SH3GL3: variants seen among roughly 807,000 people sequenced by gnomAD.
SH3GL3 encodes the protein SH3 domain containing GRB2 like 3, endophilin A3.
In SH3GL3, 33 loss-of-function variants were observed where a neutral mutation model predicts 47.7. The observed-to-expected ratio is 0.69, with a 90% confidence interval of 0.52 to 0.92. SH3GL3 has a LOEUF of 0.92. SH3GL3 is among the 40% of genes least tolerant of loss of function. The pLI is 0.00. For synonymous variants in SH3GL3, 155 were observed against 148.8 expected, an observed-to-expected ratio of 1.04 and a Z score of -0.30; for missense variants, 363 against 417.8, an observed-to-expected ratio of 0.87 and a Z score of 1.14.
chr15:83,560,680 G>T (rs772336087), intron 2 of SH3GL3, among the ~76,000 whole-genome samples: 5 of 152,122 alleles, frequency 3.3e-5, no homozygotes, highest in Admixed American at 6.6e-5. Context: ...TTACAGCAGT[G>T]AAAAGCATGG....
At chr15:83,514,657 T>C (rs937494955) in intron 1 of SH3GL3, among the ~76,000 whole-genome samples, 1 of 152,106 alleles carries the variant, frequency 6.6e-6, no homozygotes, top group African/African-American at 2.4e-5. Context: ...TGCAAAAAAG[T>C]TGTGTTTCTC....
At chr15:83,557,718 G>A (rs939836556) in intron 1 of SH3GL3, among the ~76,000 whole-genome samples, 1 of 152,182 alleles carries the variant, frequency 6.6e-6, no homozygotes, top group Admixed American at 6.5e-5. Context: ...TCACAGGGTA[G>A]CAACAGTGTT....
chr15:83,514,939 C>T (rs575526124), intron 1 of SH3GL3, among the ~76,000 whole-genome samples: 1 of 152,118 alleles, frequency 6.6e-6, no homozygotes, highest in South Asian at 2.1e-4. Flanking sequence ...AGGATGGAAG[C>T]AAGAGATTGG....
chr15:83,604,902 T>A (rs1361821759), intron 8 of SH3GL3, among the ~76,000 whole-genome samples: 1 of 152,202 alleles, frequency 6.6e-6, no homozygotes, highest in Non-Finnish European at 1.5e-5. Flanking sequence ...ATGATTTATT[T>A]CCAAGATTCA....
At chr15:83,577,357 C>T (rs2059710822) in intron 6 of SH3GL3, among the ~76,000 whole-genome samples, 1 of 152,272 alleles carries the variant, frequency 6.6e-6, no homozygotes, top group Non-Finnish European at 1.5e-5. Context: ...TTTCTCCTAT[C>T]TCCTGCCTGA....
chr15:83,579,404 G>T (rs544590254), intron 6 of SH3GL3, among the ~76,000 whole-genome samples: 5 of 152,306 alleles, frequency 3.3e-5, no homozygotes, highest in African/African-American at 9.6e-5. Context: ...ACAAGGAGGG[G>T]TTGTCTGGCT....
intron 1 of SH3GL3, among the ~76,000 whole-genome samples, chr15:83,509,102 A>G (rs1241892854): frequency 2.0e-5 from 3 of 152,248 alleles, no homozygotes; most frequent in Non-Finnish European, 4.4e-5. Flanking sequence ...TTTAAAAAAT[A>G]CATATTTTTC....
At chr15:83,567,426 T>G (rs114731574) in intron 3 of SH3GL3, among the ~76,000 whole-genome samples, 37 of 152,278 alleles carry the variant, frequency 2.4e-4, no homozygotes, top group African/African-American at 8.7e-4. Context: ...GGAGTCCCAG[T>G]AATGAGCACA....
At chr15:83,490,623 TG>T in intron 1 of SH3GL3, 1 of 662,340 alleles carries the variant, frequency 1.5e-6, no homozygotes, top group Non-Finnish European at 2.4e-6. Flanking sequence ...TAGTTCAGCC[TG>T]GCACAGTATA....
In SH3GL3 at chr15:83,522,411, T is replaced by G. The variant is rs183460192; in HGVS notation, c.46-36842T>G. Among the ~76,000 whole-genome samples, 12 of 152,344 alleles carry G rather than the reference T, an allele frequency of 7.9e-5. No individual in the cohort carries two copies. The East Asian group carries it at 2.3e-3, about 29-fold the overall frequency. On this transcript the variant is annotated intron_variant, in intron 1 of 8. Coordinates refer to ENST00000427482, the MANE Select transcript of SH3GL3 (RefSeq NM_003027.5). ...ACCAAAATATTGTTTGTTTATAGTC[T>G]CCCTCAAACTCCATCTTCCGTAAGT...
At chr15:83,523,973 A>T (rs1852635913) in intron 1 of SH3GL3, among the ~76,000 whole-genome samples, 1 of 151,550 alleles carries the variant, frequency 6.6e-6, no homozygotes, top group African/African-American at 2.4e-5. Context: ...AAAAACAGAC[A>T]GCAAAAACCC....
intron 1 of SH3GL3, among the ~76,000 whole-genome samples, chr15:83,460,527 G>A (rs564474553): frequency 6.6e-6 from 1 of 152,186 alleles, no homozygotes; most frequent in South Asian, 2.1e-4. Flanking sequence ...TACCGTAGGA[G>A]GTTTTTCTTT....
intron 1 of SH3GL3, among the ~76,000 whole-genome samples, chr15:83,543,930 T>G (rs112701627): frequency 4.7e-4 from 71 of 152,056 alleles, no homozygotes; most frequent in African/African-American, 1.5e-3. Flanking sequence ...GCTAAAGGTT[T>G]GTCAATTTTG....
Position 83,588,597 on chromosome 15 carries a change from G to GA in SH3GL3, c.729-64dup, listed in dbSNP as rs1200259267. The GA allele has an allele frequency of 5.3e-5, 53 of 993,420 alleles. No individual in the cohort carries two copies. The Admixed American group carries it at 9.2e-4, about 17-fold the overall frequency. 61.5% of individuals were successfully genotyped at this position (993,420 alleles called of 1,614,324 possible). A position where few individuals can be genotyped will look rare whatever the true frequency, so the allele number is the denominator to read the frequency against. The stretch of plus-strand genomic sequence containing the variant: ...AAGTTCCTGTGCTCAACAAGGCAGA[G>GA]AGGATGTGTGTTTGGAAAGCTTTCA... On this transcript the variant is annotated intron_variant, in intron 7 of 8. Transcript: ENST00000427482.
At chr15:83,510,103 T>G (rs1216159020) in intron 1 of SH3GL3, among the ~76,000 whole-genome samples, 2 of 144,910 alleles carry the variant, frequency 1.4e-5, no homozygotes, top group African/African-American at 5.1e-5. Context: ...TTTTTTTTTT[T>G]GCTGATACAA....
At chr15:83,616,784 A>AG (rs2060830887) in intron 8 of SH3GL3, among the ~76,000 whole-genome samples, 1 of 152,168 alleles carries the variant, frequency 6.6e-6, no homozygotes, top group African/African-American at 2.4e-5. Flanking sequence ...AGAGAAATCG[A>AG]GAAAAACAGG....
At chr15:83,630,535 G>A in the SH3GL3 span, among the ~76,000 whole-genome samples, 1 of 152,052 alleles carries the variant, frequency 6.6e-6, no homozygotes, top group African/African-American at 2.4e-5. Context: ...GGCTGGGGAG[G>A]CCTCAGGAAA....
At chr15:83,610,489 C>T (rs532118456) in intron 8 of SH3GL3, among the ~76,000 whole-genome samples, 172 of 151,940 alleles carry the variant, frequency 1.1e-3, no homozygotes, top group Non-Finnish European at 2.0e-3. Context: ...AATAGCAGGG[C>T]ACTGTACTGC....
At chr15:83,575,145 T>C (rs2059640290) in intron 5 of SH3GL3, among the ~76,000 whole-genome samples, 1 of 152,220 alleles carries the variant, frequency 6.6e-6, no homozygotes, top group South Asian at 2.1e-4. Context: ...TGGTTGATTC[T>C]AGAGAAGTGA....
Sources: gnomAD v4.1 joint callset for allele counts (sites outside exome capture counted in the v4.1 genomes callset) on GRCh38, gnomAD v4.1.1 for gene constraint, MANE v1.5 for transcripts, NCBI Gene and HGNC (gene_info 2026-07-23, HGNC 2026-07-21) for gene names.